NALF1: variants seen among roughly 807,000 people sequenced by gnomAD.
NALF1 encodes NALCN channel auxiliary factor 1, also known as family with sequence similarity 155 member A.
In NALF1, 3 loss-of-function variants were observed where a neutral mutation model predicts 48.4. That is an observed-to-expected ratio of 0.06 (90% CI 0.03 to 0.16). NALF1 has a LOEUF of 0.16. Ranked by LOEUF, NALF1 falls within the 10% of genes least tolerant of loss-of-function variation. The probability of loss-of-function intolerance (pLI) is 1.00; values close to 1 mark genes in which losing one functional copy is unlikely to be tolerated. For missense variants in NALF1, 526 were observed against 571.5 expected (o/e 0.92, Z 0.81); for synonymous variants, 262 against 245.7 (o/e 1.07, Z -0.62).
intron 1 of NALF1, among the ~76,000 whole-genome samples, chr13:107,274,093 T>C (rs1001066476): frequency 6.6e-6 from 1 of 152,186 alleles, no homozygotes; most frequent in African/African-American, 2.4e-5. Flanking sequence ...AATTTTTATA[T>C]GTATGAAACT....
chr13:107,627,733 T>C (rs907326179), intron 1 of NALF1, among the ~76,000 whole-genome samples: 1 of 152,092 alleles, frequency 6.6e-6, no homozygotes, highest in African/African-American at 2.4e-5. Flanking sequence ...TGTCATCCCA[T>C]AGGCTATTAT....
chr13:107,298,351 C>CA (rs1192707023), intron 1 of NALF1, among the ~76,000 whole-genome samples: 1,773 of 16,572 alleles, frequency 0.11, 614 homozygotes, highest in African/African-American at 0.28. Context: ...GACTCCATCT[C>CA]AAAAAAAAAA....
intron 1 of NALF1, among the ~76,000 whole-genome samples, chr13:107,572,625 C>G (rs1878022404): frequency 6.6e-6 from 1 of 152,122 alleles, no homozygotes; most frequent in African/African-American, 2.4e-5. Context: ...GGTAAAATCT[C>G]AGGCCTTTCA....
At chr13:107,358,022 T>A (rs1194163409) in intron 1 of NALF1, among the ~76,000 whole-genome samples, 1 of 152,154 alleles carries the variant, frequency 6.6e-6, no homozygotes, top group Non-Finnish European at 1.5e-5. Flanking sequence ...AATAAATGAC[T>A]ACATGTAATG....
intron 1 of NALF1, among the ~76,000 whole-genome samples, chr13:107,438,389 C>T (rs1186762354): frequency 6.6e-6 from 1 of 152,160 alleles, no homozygotes; most frequent in Admixed American, 6.5e-5. Context: ...GGATTAGAAA[C>T]ATTATTGAAA....
chr13:107,844,801 T>C (rs1056778181), intron 1 of NALF1, among the ~76,000 whole-genome samples: 2 of 152,190 alleles, frequency 1.3e-5, no homozygotes, highest in African/African-American at 2.4e-5. Context: ...AGACCATAGC[T>C]AAACTGTGCC....
chr13:107,360,984 T>C (rs1175116739), intron 1 of NALF1, among the ~76,000 whole-genome samples: 2 of 152,188 alleles, frequency 1.3e-5, no homozygotes, highest in African/African-American at 4.8e-5. Flanking sequence ...ATACATCTTT[T>C]CTCCCACATT....
chr13:107,331,214 A>G (rs1882462020), intron 1 of NALF1, among the ~76,000 whole-genome samples: 1 of 152,198 alleles, frequency 6.6e-6, no homozygotes, highest in Non-Finnish European at 1.5e-5. Context: ...CAGTTAGAGA[A>G]ATTTCATATT....
At chr13:107,694,110 T>C (rs956550149) in intron 1 of NALF1, among the ~76,000 whole-genome samples, 1 of 152,174 alleles carries the variant, frequency 6.6e-6, no homozygotes, top group African/African-American at 2.4e-5. Context: ...TATCGACCTG[T>C]AGCAGGAAGC....
chr13:107,173,969 T>A (rs1878858369), intron 2 of NALF1, among the ~76,000 whole-genome samples: 1 of 152,250 alleles, frequency 6.6e-6, no homozygotes, highest in African/African-American at 2.4e-5. Flanking sequence ...TCACGTGACA[T>A]AATTTCACTG....
chr13:107,258,686 C>T (rs369264767), intron 1 of NALF1, among the ~76,000 whole-genome samples: 4 of 152,126 alleles, frequency 2.6e-5, no homozygotes, highest in South Asian at 4.1e-4. Context: ...ACGAAGAGTA[C>T]TGAGCTCCTT....
chr13:107,321,834 T>A (rs1882261410), intron 1 of NALF1, among the ~76,000 whole-genome samples: 1 of 152,114 alleles, frequency 6.6e-6, no homozygotes, highest in Non-Finnish European at 1.5e-5. Context: ...CACAATTCTA[T>A]CCATATCCTT....
chr13:107,217,595 C>CA (rs1040470880), intron 1 of NALF1, among the ~76,000 whole-genome samples: 3 of 152,124 alleles, frequency 2.0e-5, no homozygotes, highest in African/African-American at 7.2e-5. Flanking sequence ...TTCAATACCT[C>CA]AAGCACTACA....
At chr13:107,713,795 A>G (rs1020875147) in intron 1 of NALF1, among the ~76,000 whole-genome samples, 1 of 152,228 alleles carries the variant, frequency 6.6e-6, no homozygotes, top group African/African-American at 2.4e-5. Flanking sequence ...AAAGGGGGCA[A>G]TTCACAGCAT....
intron 1 of NALF1, among the ~76,000 whole-genome samples, chr13:107,455,281 C>T (rs926222955): frequency 3.3e-5 from 5 of 152,090 alleles, no homozygotes; most frequent in African/African-American, 1.2e-4. Flanking sequence ...TTCTTTATAG[C>T]AGTGTAAAAA....
chr13:107,661,093 T>C (rs1880725492), intron 1 of NALF1, among the ~76,000 whole-genome samples: 1 of 152,172 alleles, frequency 6.6e-6, no homozygotes, highest in Non-Finnish European at 1.5e-5. Flanking sequence ...GGAGCACCTC[T>C]CAAACAAGAC....
In NALF1 at chr13:107,210,541, AACCACCGGAGACTGGTGTACAGACTCCC is replaced by A; in HGVS notation, c.1087+15_1087+42del. On this transcript the variant is annotated intron_variant, in intron 2 of 2. Coordinates refer to ENST00000375915, the MANE Select transcript of NALF1 (RefSeq NM_001080396.3). ...AAACAAACATCACACAAGAAAGCAAAACCACCGGAGACTGGTGTACAGACTCCCACCCGGCACTGTACCTGTACAGATG... is the reference window on the plus strand; with the variant it reads ...AAACAAACATCACACAAGAAAGCAAAACCCGGCACTGTACCTGTACAGATG... 7.1e-7 allele frequency: 1 copy of A among 1,414,804 alleles called. No homozygotes were observed. 87.6% of individuals were successfully genotyped at this position (1,414,804 alleles called of 1,614,324 possible). A position where few individuals can be genotyped will look rare whatever the true frequency, so the allele number is the denominator to read the frequency against.
At chr13:107,685,465 A>C (rs976184939) in intron 1 of NALF1, among the ~76,000 whole-genome samples, 18 of 152,230 alleles carry the variant, frequency 1.2e-4, no homozygotes, top group African/African-American at 4.3e-4. Flanking sequence ...GATTATTGTT[A>C]AATAATTGAT....
chr13:107,592,538 G>A (rs1236316822), intron 1 of NALF1, among the ~76,000 whole-genome samples: 1 of 151,742 alleles, frequency 6.6e-6, no homozygotes, highest in African/African-American at 2.4e-5. Context: ...GCATAAAACT[G>A]GCATGTCATA....
Sources: gnomAD v4.1 joint callset for allele counts (sites outside exome capture counted in the v4.1 genomes callset) on GRCh38, gnomAD v4.1.1 for gene constraint, MANE v1.5 for transcripts, NCBI Gene and HGNC (gene_info 2026-07-23, HGNC 2026-07-21) for gene names.